Variants in SEZ6 observed in about 807,000 individuals in gnomAD.
SEZ6 encodes seizure protein 6 homolog.
SEZ6 carries 53 observed loss-of-function variants against 101.0 expected under a neutral mutation model. That is an observed-to-expected ratio of 0.52 (90% CI 0.42 to 0.66). The LOEUF (loss-of-function observed/expected upper bound fraction) is 0.66. SEZ6 is among the 30% of genes least tolerant of loss of function. The pLI, the probability that SEZ6 is intolerant of heterozygous loss-of-function variation, is 0.00. For missense variants in SEZ6, 1,102 were observed against 1,289.4 expected (o/e 0.85, Z 2.23); for synonymous variants, 488 against 512.2 (o/e 0.95, Z 0.64).
Position 28,981,518 on chromosome 17 carries a change from T to A in SEZ6, c.577A>T (p.Arg193Trp). The change falls in exon 2 of 17, where the codon AGG (arginine) becomes TGG (tryptophan). Residue 193 changes from arginine (R) to tryptophan (W), a missense_variant. Arg to Trp is a moderately radical substitution (Grantham distance 101). This residue lies in a region of SEZ6 where 406 missense variants were observed against 418.6 expected (regional missense o/e 0.97). Coordinates refer to ENST00000317338, the MANE Select transcript of SEZ6 (RefSeq NM_178860.5). ...GACACAACCTCTGCAACCCACGGCC[T>A]TCCCATGTCTCCAGGACCCTCTTGG... Reference protein sequence around the residue: ...PTQEGPGDMGRPWVAEVVSQG... With the variant: ...PTQEGPGDMGWPWVAEVVSQG... The A allele has an allele frequency of 6.2e-7, 1 of 1,611,282 alleles. No homozygotes were observed. Among genetic ancestry groups the A allele is most frequent in the Non-Finnish European group, 8.5e-7 (1 of 1,178,684 alleles).
At position 28,957,392 on chromosome 17, in the gene SEZ6, T is replaced by C. The variant is rs2152682969; in HGVS notation, c.2450A>G (p.Gln817Arg). The C allele has an allele frequency of 6.2e-7, 1 of 1,613,764 alleles. No individual in the cohort carries two copies. Among genetic ancestry groups the C allele is most frequent in the East Asian group, 2.2e-5 (1 of 44,890 alleles). Residue 817 changes from glutamine to arginine, a missense_variant, in exon 12 of 17, where the codon CAG (glutamine) becomes CGG (arginine). Coordinates refer to ENST00000317338, the MANE Select transcript of SEZ6 (RefSeq NM_178860.5). ...GTCACTCCACTTGGGGCTGCCAGCC[T>C]GGCGATCATGGCAGGTGAGGATGGA... ...GSSILTCHDR[Q>R]AGSPKWSDRA...
At chr17:28,980,094 G>T (rs1967079) in intron 2 of SEZ6, among the ~76,000 whole-genome samples, 23,513 of 150,704 alleles carry the variant, frequency 0.16, 2,009 homozygotes, top group South Asian at 0.25. Flanking sequence ...TGATCCGCCC[G>T]CCTCAGCCTC....
At position 29,005,773 on chromosome 17, in the gene SEZ6, G is replaced by T. The variant is rs1205521466; in HGVS notation, c.55+42C>A. ...TCTCCCTTCCCACCCCTGGGGCCCC[G>T]CTCCCGCCCCCGTCCTGCCGCCGGA... On this transcript the variant is annotated intron_variant, in intron 1 of 16. Transcript: ENST00000317338. This position sits in a 1 kb window ranked among gnomAD's most constrained non-coding sequence, Gnocchi z 4.8. The T allele has an allele frequency of 1.4e-6, 2 of 1,470,510 alleles. No homozygotes were observed. Among genetic ancestry groups the T allele is most frequent in the Non-Finnish European group, 1.8e-6 (2 of 1,109,912 alleles). 91.1% of individuals were successfully genotyped at this position (1,470,510 alleles called of 1,614,324 possible). A position where few individuals can be genotyped will look rare whatever the true frequency, so the allele number is the denominator to read the frequency against.
intron 1 of SEZ6, among the ~76,000 whole-genome samples, chr17:28,991,102 G>A (rs550494120): frequency 1.2e-4 from 19 of 152,150 alleles, no homozygotes; most frequent in African/African-American, 4.8e-5. Flanking sequence ...ATGAGGTTTC[G>A]CTGTGTTGGC....
intron 5 of SEZ6, 96 bp downstream of exon 5, chr17:28,963,866 A>G (rs2041022347): frequency 6.9e-7 from 1 of 1,446,074 alleles, no homozygotes; most frequent in Non-Finnish European, 9.5e-7. Context: ...TTCCTTATGA[A>G]GAGCAAATGA....
chr17:28,972,814 CGG>C (rs1567990437), intron 3 of SEZ6, among the ~76,000 whole-genome samples: 1 of 152,030 alleles, frequency 6.6e-6, no homozygotes, highest in African/African-American at 2.4e-5. Flanking sequence ...CAGGAATCCT[CGG>C]GGGGAGAGCG....
chr17:28,957,603 T>G, intron 11 of SEZ6, 64 bp from the exon 12 acceptor site: 1 of 1,524,654 alleles, frequency 6.6e-7, no homozygotes, highest in East Asian at 2.4e-5. Context: ...CAATCCACCC[T>G]GGCTTTGTTC....
chr17:28,995,393 G>A (rs989037265), intron 1 of SEZ6, among the ~76,000 whole-genome samples: 2 of 152,144 alleles, frequency 1.3e-5, no homozygotes, highest in Non-Finnish European at 2.9e-5. Context: ...GGATGGAGGT[G>A]TGAGAAGAGG....
Position 28,979,703 on chromosome 17 carries a change from G to C in SEZ6, c.835C>G (p.Pro279Ala). 2 of 1,614,000 alleles carry C rather than the reference G, an allele frequency of 1.2e-6. No homozygotes were observed. The highest frequency in any genetic ancestry group is 1.7e-6 in the Non-Finnish European group (2 of 1,179,876). Reference protein sequence around the residue: ...LDCFFYISVYPGYGVEIKVQN... With the variant: ...LDCFFYISVYAGYGVEIKVQN... ...ACCTTGATTTCCACGCCATAGCCAG[G>C]GTAGACAGAGATGTAGAAGAAGCAG... The change falls in exon 3 of 17, where the codon CCT (proline) becomes GCT (alanine). Residue 279 changes from proline (P) to alanine (A), a missense_variant. Pro to Ala is a conservative substitution (Grantham distance 27). Transcript: ENST00000317338.
rs2041677766 is a variant in SEZ6, at chr17:29,005,620, G to C, written c.55+195C>G. 6.6e-6 allele frequency among the ~76,000 whole-genome samples: 1 copy of C among 151,524 alleles called. No homozygotes were observed. Among genetic ancestry groups the C allele is most frequent in the African/African-American group, 2.4e-5 (1 of 41,360 alleles). Reference sequence around the variant, plus strand: ...GAGGTCTCGGCCGGGCGCGAATGGCGGGAGCCGCGGCAGCTTCCCGCCCGC... The same window carrying C: ...GAGGTCTCGGCCGGGCGCGAATGGCCGGAGCCGCGGCAGCTTCCCGCCCGC... On this transcript the variant is annotated intron_variant, in intron 1 of 16. Coordinates refer to ENST00000317338, the MANE Select transcript of SEZ6 (RefSeq NM_178860.5). This position sits in a 1 kb window ranked among gnomAD's most constrained non-coding sequence, Gnocchi z 4.8.
rs552434811 is a variant in SEZ6, at chr17:28,959,538, C to G, written c.1772-66G>C. 1 of 1,577,930 alleles carries G rather than the reference C, an allele frequency of 6.3e-7. No homozygotes were observed. Among genetic ancestry groups the G allele is most frequent in the Non-Finnish European group, 8.6e-7 (1 of 1,163,120 alleles). On this transcript the variant is annotated intron_variant, in intron 8 of 16. Coordinates refer to ENST00000317338, the MANE Select transcript of SEZ6 (RefSeq NM_178860.5). This position sits in a 1 kb window ranked among gnomAD's most constrained non-coding sequence, Gnocchi z 4.4. The stretch of plus-strand genomic sequence containing the variant: ...ACCATGGTGTTGCTTACCATCTGCC[C>G]GCAGGAGTGCCCACAAATTGCTGGG...
At chr17:28,994,705 G>A (rs542964939) in intron 1 of SEZ6, among the ~76,000 whole-genome samples, 3 of 152,008 alleles carry the variant, frequency 2.0e-5, no homozygotes, top group East Asian at 3.9e-4. Flanking sequence ...CACCGCGTCC[G>A]GCCCGGTTAC....
intron 11 of SEZ6, 152 bp from the exon 12 acceptor site, chr17:28,957,691 C>A: frequency 3.3e-6 from 3 of 916,776 alleles, no homozygotes; most frequent in Non-Finnish European, 4.8e-6. Context: ...GTGTGTCCCC[C>A]CATTTGTCCC....
At chr17:28,997,331 C>A (rs2041556693) in intron 1 of SEZ6, among the ~76,000 whole-genome samples, 1 of 152,204 alleles carries the variant, frequency 6.6e-6, no homozygotes, top group Admixed American at 6.5e-5. Flanking sequence ...CTCTAACCAG[C>A]CAGAAAATAG....
At chr17:29,004,678 C>T (rs1343020554) in intron 1 of SEZ6, among the ~76,000 whole-genome samples, 1 of 152,226 alleles carries the variant, frequency 6.6e-6, no homozygotes, top group Non-Finnish European at 1.5e-5. Context: ...CACCCTCACA[C>T]TTCACATCAG....
At chr17:29,006,244 T>G, upstream of SEZ6, 1 of 173,220 alleles carries the variant, frequency 5.8e-6, no homozygotes, top group Non-Finnish European at 1.2e-5. Context: ...TGCCACCCTC[T>G]TTCCCGTTAA....
In SEZ6 at chr17:28,959,470, C is replaced by T. The variant is rs559113163; in HGVS notation, c.1774G>A (p.Val592Met). 1.9e-5 allele frequency: 31 copies of T among 1,612,746 alleles called. No homozygotes were observed. Among genetic ancestry groups the T allele is most frequent in the East Asian group, 8.9e-5 (4 of 44,872 alleles). ...WNETEPACRAVCSGEITDSAG... is the reference protein window; with the variant it reads ...WNETEPACRAMCSGEITDSAG... Reference sequence around the variant, plus strand: ...GAGTCTGTGATCTCCCCGCTGCACACGGCTGGAAGGCAGAGGAGGCCCAGA... The same window carrying T: ...GAGTCTGTGATCTCCCCGCTGCACATGGCTGGAAGGCAGAGGAGGCCCAGA... Residue 592 changes from valine to methionine, a missense_variant and splice_region_variant, in exon 9 of 17, where the codon GTG (valine) becomes ATG (methionine). Val to Met is a conservative substitution (Grantham distance 21). Coordinates refer to ENST00000317338, the MANE Select transcript of SEZ6 (RefSeq NM_178860.5). The surrounding 1 kb of genome is among the most constrained non-coding windows in gnomAD (Gnocchi z 4.4).
chr17:29,005,259 G>T lies in SEZ6; in HGVS notation c.55+556C>A, dbSNP rs1159994933. On this transcript the variant is annotated intron_variant, in intron 1 of 16. Coordinates refer to ENST00000317338, the MANE Select transcript of SEZ6 (RefSeq NM_178860.5). This position sits in a 1 kb window ranked among gnomAD's most constrained non-coding sequence, Gnocchi z 4.8. ...AATTGTGCTCTAGGTCCCGACTCTG[G>T]CGTGGCAGCGCCAGGGCATGGGGAG... Among the ~76,000 whole-genome samples the T allele has an allele frequency of 6.6e-6, 1 of 152,194 alleles. No individual in the cohort carries two copies. Among genetic ancestry groups the T allele is most frequent in the Non-Finnish European group, 1.5e-5 (1 of 68,032 alleles).
intron 1 of SEZ6, among the ~76,000 whole-genome samples, chr17:28,988,545 C>T (rs537771241): frequency 6.6e-6 from 1 of 152,234 alleles, no homozygotes; most frequent in South Asian, 2.1e-4. Context: ...CATGCCCCAT[C>T]ACAGCCCCAA....
Sources: allele counts gnomAD v4.1 joint callset (sites outside exome capture counted in the v4.1 genomes callset), GRCh38; gene constraint gnomAD v4.1.1; regional missense constraint gnomAD v4.1.1; non-coding constraint Gnocchi (gnomAD v3.1); transcripts MANE v1.5; gene names NCBI Gene and HGNC (gene_info 2026-07-23, HGNC 2026-07-21).